The following AFAP1L2 variants were observed in gnomAD, a reference collection of about 807,000 sequenced individuals.
The protein encoded by AFAP1L2 is actin filament-associated protein 1-like 2.
In AFAP1L2, 46 loss-of-function variants were observed where a neutral mutation model predicts 99.3. That is an observed-to-expected ratio of 0.46 (90% CI 0.37 to 0.59). AFAP1L2 has a LOEUF of 0.59. Ranked by LOEUF, AFAP1L2 falls within the 20% of genes least tolerant of loss-of-function variation. The pLI, the probability that AFAP1L2 is intolerant of heterozygous loss-of-function variation, is 0.00. For missense variants in AFAP1L2, 959 were observed against 1,034.9 expected (o/e 0.93, Z 1.01); for synonymous variants, 397 against 419.1 (o/e 0.95, Z 0.64).
At chr10:114,281,174 T>C in the AFAP1L2 span, 2,908 of 152,398 alleles carry the variant, frequency 0.019, 38 homozygotes, top group Middle Eastern at 0.048. Context: ...GGGATCTTGT[T>C]GGAAGAAGCC....
intron 2 of AFAP1L2, among the ~76,000 whole-genome samples, chr10:114,336,829 T>A (rs960867797): frequency 1.3e-5 from 2 of 151,936 alleles, no homozygotes; most frequent in African/African-American, 4.8e-5. Flanking sequence ...GACCTCTCCA[T>A]CCAGACAAAA....
intron 2 of AFAP1L2, among the ~76,000 whole-genome samples, chr10:114,338,981 G>A (rs777750193): frequency 3.3e-5 from 5 of 152,114 alleles, no homozygotes; most frequent in Non-Finnish European, 7.3e-5. Context: ...TATAATATTG[G>A]GCAGGTTAAA....
At chr10:114,300,942 G>A (rs2041059883) in intron 13 of AFAP1L2, among the ~76,000 whole-genome samples, 1 of 152,144 alleles carries the variant, frequency 6.6e-6, no homozygotes, top group Admixed American at 6.5e-5. Context: ...CTTCCCATAA[G>A]GTGGTTAGGA....
At chr10:114,383,450 T>C (rs1378472332) in intron 1 of AFAP1L2, among the ~76,000 whole-genome samples, 1 of 152,068 alleles carries the variant, frequency 6.6e-6, no homozygotes, top group Non-Finnish European at 1.5e-5. Context: ...GAAAAAGATC[T>C]GGAGAGTGTA....
intron 1 of AFAP1L2, among the ~76,000 whole-genome samples, chr10:114,365,589 T>C (rs1006940337): frequency 1.3e-5 from 2 of 152,172 alleles, no homozygotes; most frequent in Non-Finnish European, 2.9e-5. Flanking sequence ...TCCTCAGTGA[T>C]ACTCCCCATG....
At chr10:114,321,918 T>C (rs777255477) in intron 5 of AFAP1L2, among the ~76,000 whole-genome samples, 20 of 152,244 alleles carry the variant, frequency 1.3e-4, no homozygotes, top group Non-Finnish European at 2.9e-4. Flanking sequence ...ATAGTTTGGC[T>C]GTGTCTCCAC....
At position 114,300,299 on chromosome 10, in the gene AFAP1L2, C is replaced by G; in HGVS notation, c.1852G>C (p.Glu618Gln). 1 of 1,614,164 alleles carries G rather than the reference C, an allele frequency of 6.2e-7. No individual in the cohort carries two copies. Among genetic ancestry groups the G allele is most frequent in the South Asian group, 1.1e-5 (1 of 91,080 alleles). The stretch of plus-strand genomic sequence containing the variant: ...GGTGGGAAGGAGATTCTCTGCTGTT[C>G]CGTCTGGATTTTGACGGTGGTGATT... ...LRITTVKIQTEQQRISFPPSC... is the reference protein window; with the variant it reads ...LRITTVKIQTQQQRISFPPSC... Residue 618 changes from glutamate to glutamine, a missense_variant, in exon 15 of 19, where the codon GAA becomes CAA. Coordinates refer to ENST00000304129, the MANE Select transcript of AFAP1L2 (RefSeq NM_001001936.3).
intron 4 of AFAP1L2, among the ~76,000 whole-genome samples, chr10:114,331,465 C>T (rs942692681): frequency 6.6e-6 from 1 of 152,056 alleles, no homozygotes; most frequent in African/African-American, 2.4e-5. Flanking sequence ...CTGGCTAGTG[C>T]AAATTTTTTA....
chr10:114,290,436 T>A, downstream of AFAP1L2: 8 of 1,532,600 alleles, frequency 5.2e-6, no homozygotes, highest in Non-Finnish European at 7.1e-6. Context: ...TCCCACAAAC[T>A]CAGCTGAAGG....
At chr10:114,347,289 AG>A (rs1306441785) in intron 1 of AFAP1L2, among the ~76,000 whole-genome samples, 2 of 152,172 alleles carry the variant, frequency 1.3e-5, no homozygotes, top group African/African-American at 4.8e-5. Context: ...CTGATCAGAG[AG>A]AGCTCTCAAG....
At chr10:114,330,611 A>G (rs1029547305) in intron 4 of AFAP1L2, among the ~76,000 whole-genome samples, 8 of 152,216 alleles carry the variant, frequency 5.3e-5, no homozygotes, top group Admixed American at 5.2e-4. Flanking sequence ...AGATGTGAGC[A>G]TTTCTTCCAT....
chr10:114,312,643 A>G (rs897503257), intron 7 of AFAP1L2, among the ~76,000 whole-genome samples: 1 of 152,214 alleles, frequency 6.6e-6, no homozygotes, highest in Non-Finnish European at 1.5e-5. Flanking sequence ...ACAGGGGTGA[A>G]GCCAGGATTT....
At chr10:114,350,415 T>C (rs911073675) in intron 1 of AFAP1L2, among the ~76,000 whole-genome samples, 1 of 152,196 alleles carries the variant, frequency 6.6e-6, no homozygotes, top group Non-Finnish European at 1.5e-5. Context: ...TATCTTCTGG[T>C]TTGATTTCCT....
Position 114,315,604 on chromosome 10 carries a change from G to A in AFAP1L2, c.568C>T (p.Gln190Ter). 6.2e-7 allele frequency: 1 copy of A among 1,614,088 alleles called. No individual in the cohort carries two copies. The highest frequency in any genetic ancestry group is 8.5e-7 in the Non-Finnish European group (1 of 1,180,032). ...ATGACACAGAGCTGCTTGGCCCACT[G>A]TCCCAGCCACTTCTTGCGCCACAGG... Reference protein sequence around the residue: ...AFLWRKKWLGQWAKQLCVIKD... With the variant: ...AFLWRKKWLG The change falls in exon 6 of 19, where the codon CAG becomes TAG. Residue 190 changes from glutamine to a stop codon, truncating the protein, a stop_gained. Transcript: ENST00000304129. LOFTEE classifies it high-confidence loss of function.
At chr10:114,289,649 C>T in the AFAP1L2 span, 6 of 750,278 alleles carry the variant, frequency 8.0e-6, no homozygotes, top group Middle Eastern at 2.6e-4. Flanking sequence ...ACATAAAATC[C>T]TACAGTAGGC....
chr10:114,376,135 A>G (rs2054767092), intron 1 of AFAP1L2, among the ~76,000 whole-genome samples: 1 of 152,086 alleles, frequency 6.6e-6, no homozygotes. Context: ...CCAAAAAGCC[A>G]CCCCCTTAAA....
downstream of AFAP1L2, chr10:114,291,073 A>C (rs139903407): frequency 4.3e-4 from 412 of 948,540 alleles, 2 homozygotes; most frequent in East Asian, 9.5e-3. Context: ...GGATAATCAC[A>C]TGGGGTCTCT....
At chr10:114,293,584 T>G (rs554120757), downstream of AFAP1L2, among the ~76,000 whole-genome samples, 4 of 152,364 alleles carry the variant, frequency 2.6e-5, no homozygotes, top group African/African-American at 7.2e-5. Flanking sequence ...CCAAGCCTTT[T>G]TTCTTTCATT....
intron 16 of AFAP1L2, among the ~76,000 whole-genome samples, chr10:114,298,674 C>G (rs1432716348): frequency 6.6e-6 from 1 of 152,130 alleles, no homozygotes; most frequent in African/African-American, 2.4e-5. Context: ...CATTGCAAGA[C>G]CCCATCTCAA....
Sources: gnomAD v4.1 joint callset for allele counts (sites outside exome capture counted in the v4.1 genomes callset) on GRCh38, gnomAD v4.1.1 for gene constraint, MANE v1.5 for transcripts, NCBI Gene and HGNC (gene_info 2026-07-23, HGNC 2026-07-21) for gene names.